The following SGK3 variants were observed in gnomAD, a reference collection of about 807,000 sequenced individuals.
SGK3 encodes the protein serine/threonine-protein kinase Sgk3.
SGK3 carries 47 observed loss-of-function variants against 68.5 expected under a neutral mutation model. That is an observed-to-expected ratio of 0.69 (90% confidence interval 0.54 to 0.87). The LOEUF (loss-of-function observed/expected upper bound fraction) is 0.87. Ranked by LOEUF, SGK3 falls within the 40% of genes least tolerant of loss-of-function variation. The pLI is 0.00. For missense variants in SGK3, 479 were observed against 575.5 expected (o/e 0.83, Z 1.72); for synonymous variants, 181 against 189.1 (o/e 0.96, Z 0.35).
chr8:66,748,977 C>T (rs1805727698), intron 1 of SGK3, among the ~76,000 whole-genome samples: 1 of 152,116 alleles, frequency 6.6e-6, no homozygotes, highest in African/African-American at 2.4e-5. Context: ...CCACTGCAAC[C>T]TCTGCCTCCC....
chr8:66,853,082 G>A lies in SGK3; in HGVS notation c.1320+2162G>A, dbSNP rs186780874. Among the ~76,000 whole-genome samples, 16 of 152,040 alleles carry A rather than the reference G, an allele frequency of 1.1e-4. No individual in the cohort carries two copies. In the East Asian group the frequency reaches 3.1e-3, roughly 29 times the overall value. ...AACATGAGCTTTGAGGTTTAATTTA[G>A]GTAACATTTGTAAAGCACCTCAGTG... On this transcript the variant is annotated intron_variant, in intron 16 of 16. Transcript: ENST00000521198.
intron 10 of SGK3, among the ~76,000 whole-genome samples, chr8:66,836,771 C>CTTTTTTTTTT (rs35857638): frequency 8.5e-6 from 1 of 118,098 alleles, no homozygotes; most frequent in Admixed American, 9.1e-5. Context: ...GTCAGGATAT[C>CTTTTTTTTTT]TTTTTTTTTT....
intron 2 of SGK3, 59 bp from the exon 3 acceptor site, chr8:66,798,483 A>T: frequency 7.0e-7 from 1 of 1,434,190 alleles, no homozygotes; most frequent in South Asian, 1.3e-5. Context: ...GTATTTAAGT[A>T]GCTAATGGGT....
intron 10 of SGK3, 26 bp downstream of exon 10, chr8:66,836,100 T>C (rs778889898): frequency 6.9e-6 from 11 of 1,589,044 alleles, no homozygotes; most frequent in Non-Finnish European, 9.4e-6. Flanking sequence ...AGTTTTCTAA[T>C]GTTAATAGTT....
intron 1 of SGK3, among the ~76,000 whole-genome samples, chr8:66,792,149 G>A (rs1038963757): frequency 2.6e-5 from 4 of 152,008 alleles, no homozygotes; most frequent in Non-Finnish European, 5.9e-5. Flanking sequence ...GACCAACATG[G>A]AGAAACCCCA....
intron 1 of SGK3, among the ~76,000 whole-genome samples, chr8:66,768,926 A>G (rs1284683539): frequency 6.6e-6 from 1 of 152,090 alleles, no homozygotes; most frequent in Admixed American, 6.6e-5. Context: ...TTGTTCCTCC[A>G]TATATAACAT....
Position 66,859,658 on chromosome 8 carries a change from T to C in SGK3, c.*77T>C. 7.0e-7 allele frequency: 1 copy of C among 1,422,672 alleles called. No individual in the cohort carries two copies. Among genetic ancestry groups the C allele is most frequent in the South Asian group, 1.7e-5 (1 of 58,388 alleles). 88.1% of individuals were successfully genotyped at this position (1,422,672 alleles called of 1,614,324 possible). A position where few individuals can be genotyped will look rare whatever the true frequency, so the allele number is the denominator to read the frequency against. On this transcript the variant is annotated 3_prime_UTR_variant, in exon 17 of 17. Coordinates refer to ENST00000521198, the MANE Select transcript of SGK3 (RefSeq NM_001033578.3). ...GAAACTTCTATTTGTGTGAATATAT[T>C]CAAATATGTATAACTAGTGCCTCAT...
intron 1 of SGK3, among the ~76,000 whole-genome samples, chr8:66,757,303 TG>T: frequency 6.6e-6 from 1 of 152,100 alleles, no homozygotes; most frequent in South Asian, 2.1e-4. Context: ...AGCTAATTTT[TG>T]TATTTTTTTT....
At chr8:66,719,499 A>T (rs1804738899) in intron 1 of SGK3, among the ~76,000 whole-genome samples, 1 of 151,912 alleles carries the variant, frequency 6.6e-6, no homozygotes, top group South Asian at 2.1e-4. Context: ...TTTAATTTTT[A>T]ATAGAGACAA....
At chr8:66,725,489 A>T (rs75951808) in intron 1 of SGK3, among the ~76,000 whole-genome samples, 1 of 146,654 alleles carries the variant, frequency 6.8e-6, no homozygotes. Flanking sequence ...ACTTCTCACT[A>T]TTTTTTTTTT....
chr8:66,823,393 T>G (rs1010715106), intron 6 of SGK3, among the ~76,000 whole-genome samples: 1 of 151,806 alleles, frequency 6.6e-6, no homozygotes, highest in South Asian at 2.1e-4. Context: ...GCCTTGTTTT[T>G]TTTTTTTTTT....
intron 1 of SGK3, among the ~76,000 whole-genome samples, chr8:66,757,981 C>T (rs1806036506): frequency 6.8e-6 from 1 of 146,956 alleles, no homozygotes; most frequent in Non-Finnish European, 1.5e-5. Context: ...TATACACACA[C>T]ACTATATGTA....
At chr8:66,777,165 C>T (rs1806746671) in intron 1 of SGK3, among the ~76,000 whole-genome samples, 2 of 152,194 alleles carry the variant, frequency 1.3e-5, no homozygotes, top group Non-Finnish European at 2.9e-5. Context: ...TCTTCCCCAA[C>T]TTTTTGTATA....
In SGK3 at chr8:66,859,575, T is replaced by C. The variant is rs1483181552; in HGVS notation, c.1485T>C (p.Phe495=). The change falls in exon 17 of 17, where the codon TTT becomes TTC. Residue 495 remains phenylalanine (F), a synonymous_variant. Transcript: ENST00000521198. The part of the protein sequence containing the change: ...FSYAPPSEDL[F]L ...ATGCACCTCCTTCAGAAGACTTATT[T>C]TTGTGAGCAGTTTGCCATTCAGAAA... 4 of 1,607,962 alleles carry C rather than the reference T, an allele frequency of 2.5e-6. No individual in the cohort carries two copies. The highest frequency in any genetic ancestry group is 3.4e-6 in the Non-Finnish European group (4 of 1,175,976).
intron 16 of SGK3, among the ~76,000 whole-genome samples, chr8:66,852,267 T>C (rs1810322616): frequency 6.6e-6 from 1 of 150,950 alleles, no homozygotes; most frequent in Non-Finnish European, 1.5e-5. Flanking sequence ...GCTGCAAAAC[T>C]TAAGGAATCC....
intron 1 of SGK3, among the ~76,000 whole-genome samples, chr8:66,716,411 A>G (rs1461058844): frequency 6.6e-6 from 1 of 152,180 alleles, no homozygotes; most frequent in Non-Finnish European, 1.5e-5. Flanking sequence ...GGGTTTTCAA[A>G]GGGAATTAGG....
At chr8:66,731,354 CTAAA>C (rs1253152145) in intron 1 of SGK3, among the ~76,000 whole-genome samples, 1 of 151,994 alleles carries the variant, frequency 6.6e-6, no homozygotes, top group Non-Finnish European at 1.5e-5. Flanking sequence ...AGTTATTCTC[CTAAA>C]TACTTTTCAA....
chr8:66,828,446 A>G (rs1463510008), intron 6 of SGK3, among the ~76,000 whole-genome samples: 2 of 152,232 alleles, frequency 1.3e-5, no homozygotes, highest in Non-Finnish European at 2.9e-5. Flanking sequence ...ACAGTTCTTG[A>G]AAACTACCAT....
chr8:66,843,677 A>G (rs1296241933), intron 14 of SGK3, 130 bp downstream of exon 14: 3 of 889,838 alleles, frequency 3.4e-6, no homozygotes, highest in Non-Finnish European at 5.0e-6. Context: ...TGGTTAAATG[A>G]ACCCAAACCC....
Sources: gnomAD v4.1 joint callset for allele counts (sites outside exome capture counted in the v4.1 genomes callset) on GRCh38, gnomAD v4.1.1 for gene constraint, MANE v1.5 for transcripts, NCBI Gene and HGNC (gene_info 2026-07-23, HGNC 2026-07-21) for gene names.